The following TASOR variants were observed in gnomAD, a reference collection of about 807,000 sequenced individuals.
The protein encoded by TASOR is transcription activation suppressor, also known as protein TASOR.
TASOR carries 53 observed loss-of-function variants against 178.6 expected under a neutral mutation model. The observed-to-expected ratio is 0.30, with a 90% CI of 0.24 to 0.37. The LOEUF (loss-of-function observed/expected upper bound fraction) is 0.37, where lower values mean the gene tolerates loss of function less well. Among genes scored for constraint, TASOR ranks in the 10% least tolerant of loss-of-function variants. TASOR has a pLI of 1.00. For synonymous variants in TASOR, 713 were observed against 696.2 expected, an observed-to-expected ratio of 1.02 and a Z score of -0.38; for missense variants, 1,815 against 1,971.4, an observed-to-expected ratio of 0.92 and a Z score of 1.50.
At chr3:56,635,473 A>G (rs545763333) in intron 17 of TASOR, among the ~76,000 whole-genome samples, 1 of 139,024 alleles carries the variant, frequency 7.2e-6, no homozygotes, top group East Asian at 2.4e-4. Flanking sequence ...ACCATGGCTA[A>G]TATATGGGGA....
chr3:56,646,885 T>G lies in TASOR; in HGVS notation c.1852A>C (p.Lys618Gln). Residue 618 changes from lysine to glutamine, a missense_variant, in exon 14 of 24, where the codon AAA becomes CAA. Lys to Gln is a moderately conservative substitution (Grantham distance 53). This residue lies in a region of TASOR where 504 missense variants were observed against 645.3 expected (regional missense o/e 0.78). Coordinates refer to ENST00000683822, the MANE Select transcript of TASOR (RefSeq NM_001365635.2). The stretch of plus-strand genomic sequence containing the variant: ...TTTTCTTCAAATAGTTCTTTTAATT[T>G]ACAAATAGGTAACTGATACACTTCA... The part of the protein sequence containing the change: ...RPEVYQLPIC[K>Q]LKELFEENRK... The G allele has an allele frequency of 6.2e-7, 1 of 1,606,744 alleles. No individual in the cohort carries two copies.
At chr3:56,679,850 A>C (rs1174942123) in intron 1 of TASOR, among the ~76,000 whole-genome samples, 1 of 152,218 alleles carries the variant, frequency 6.6e-6, no homozygotes, top group African/African-American at 2.4e-5. Flanking sequence ...TAAATTCTAT[A>C]ATTTGGTTAA....
chr3:56,660,671 A>T, intron 11 of TASOR, 60 bp downstream of exon 11: 1 of 1,281,874 alleles, frequency 7.8e-7, no homozygotes. Context: ...TAATATGATC[A>T]CACATGAATA....
Position 56,682,580 on chromosome 3 carries a change from G to C in TASOR, c.331+96C>G, listed in dbSNP as rs141152503. ...CGGCCGGCGCTGCATGCGTGTTTAC[G>C]TATCTCGGATGGGTGTGGGAAGAGG... On this transcript the variant is annotated intron_variant, in intron 1 of 23. Transcript: ENST00000683822. The C allele has an allele frequency of 5.0e-4, 563 of 1,120,790 alleles. 4 individuals are homozygous for C. In the Middle Eastern group the frequency reaches 7.6e-3, roughly 15 times the overall value. The allele number at this position is 1,120,790 out of a possible 1,614,324, so 69.4% of individuals were successfully genotyped here.
At chr3:56,681,571 G>A (rs2031784462) in intron 1 of TASOR, among the ~76,000 whole-genome samples, 2 of 152,130 alleles carry the variant, frequency 1.3e-5, no homozygotes, top group African/African-American at 4.8e-5. Flanking sequence ...CTTATGGAAA[G>A]TCAGTATAAT....
chr3:56,682,505 C>T (rs986745022), intron 1 of TASOR, among the ~76,000 whole-genome samples, 171 bp downstream of exon 1: 1 of 151,458 alleles, frequency 6.6e-6, no homozygotes, highest in Non-Finnish European at 1.5e-5. Flanking sequence ...CCACCGCTTT[C>T]TCTCGCACCA....
At chr3:56,626,954 A>G in intron 21 of TASOR, 83 bp downstream of exon 21, 1 of 838,510 alleles carries the variant, frequency 1.2e-6, no homozygotes, top group Non-Finnish European at 1.9e-6. Flanking sequence ...AACATCCATA[A>G]TCTACAAACA....
intron 11 of TASOR, among the ~76,000 whole-genome samples, chr3:56,658,946 CTGTGTGTGTGTGTGTG>C (rs58622702): frequency 8.1e-5 from 12 of 147,444 alleles, no homozygotes; most frequent in South Asian, 2.1e-4. Context: ...GAGAGAGAGA[CTGTGTGTGTGTGTGTG>C]TGTGTGTGTG....
At position 56,639,665 on chromosome 3, in the gene TASOR, G is replaced by A. The variant is rs1014893634; in HGVS notation, c.2764+321C>T. Reference sequence around the variant, plus strand: ...GTCCAAAGAGCACCATTTTATCTCTGCAGCTACCTCACCTTATCAAAAACT... The same window carrying A: ...GTCCAAAGAGCACCATTTTATCTCTACAGCTACCTCACCTTATCAAAAACT... On this transcript the variant is annotated intron_variant, in intron 16 of 23. Coordinates refer to ENST00000683822, the MANE Select transcript of TASOR (RefSeq NM_001365635.2). Among the ~76,000 whole-genome samples, 4 of 152,174 alleles carry A rather than the reference G, an allele frequency of 2.6e-5. No homozygotes were observed. The East Asian group carries it at 7.7e-4, about 29-fold the overall frequency.
Position 56,640,042 on chromosome 3 carries a change from G to C in TASOR, c.2708C>G (p.Ser903Cys). 1 of 1,612,996 alleles carries C rather than the reference G, an allele frequency of 6.2e-7. No individual in the cohort carries two copies. The change falls in exon 16 of 24, where the codon TCT (serine) becomes TGT (cysteine). Residue 903 changes from serine to cysteine, a missense_variant. Around this residue, in one of 5 missense-constraint regions of TASOR, gnomAD observed 655 missense variants for 671.1 expected, o/e 0.98. Transcript: ENST00000683822. ...AGTCTCTTCAACATTATTTGACTTA[G>C]ACTGTTGTCTACGAAATCCATGTTC... ...PIEHGFRRQQ[S>C]KSNNVEETEI...
rs2077581942 is a variant in TASOR at position 56,661,005 on chromosome 3, T to C, written c.1173A>G (p.Leu391=). The C allele has an allele frequency of 1.3e-6, 2 of 1,599,748 alleles. No individual in the cohort carries two copies. The highest frequency in any genetic ancestry group is 1.7e-4 in the Middle Eastern group (1 of 5,858). The change falls in exon 10 of 24, where the codon TTA becomes TTG. Residue 391 remains leucine, a synonymous_variant. Coordinates refer to ENST00000683822, the MANE Select transcript of TASOR (RefSeq NM_001365635.2). ...AFLPIKLPEK[L]DVETVMSIDH... is the part of the protein sequence containing the mutation. ...CAATACTCATAACTGTTTCAACATC[T>C]AATTTCTCAGGTCTGAAAGAAAATT...
chr3:56,655,924 T>C (rs1183620689), intron 11 of TASOR, among the ~76,000 whole-genome samples: 6 of 152,216 alleles, frequency 3.9e-5, no homozygotes, highest in African/African-American at 1.4e-4. Context: ...GAAATGCCTA[T>C]GTGATGAGAT....
intron 1 of TASOR, 65 bp from the exon 2 acceptor site, chr3:56,673,790 A>G: frequency 2.2e-6 from 3 of 1,370,276 alleles, no homozygotes; most frequent in Admixed American, 2.8e-5. Context: ...AGCTTTTTAT[A>G]TTTTTGTGGG....
At chr3:56,663,956 C>T in intron 7 of TASOR, 1 of 699,038 alleles carries the variant, frequency 1.4e-6, no homozygotes, top group Non-Finnish European at 1.8e-6. Flanking sequence ...ATTTACCAGG[C>T]ACAGTTCTAG....
chr3:56,652,556 T>A lies in TASOR; in HGVS notation c.1369-3499A>T, dbSNP rs1157800208. Among the ~76,000 whole-genome samples, 33 of 141,876 alleles carry A rather than the reference T, an allele frequency of 2.3e-4. 1 individual carries two copies. Among genetic ancestry groups the A allele is most frequent in the South Asian group, 2.2e-4 (1 of 4,484 alleles). 93.1% of individuals were successfully genotyped at this position (141,876 alleles called of 152,430 possible). ...ATGACAAAGCAAGACCCTGCCTATTTAAAAAAAAAAAAAAAATGGCTAAAA... is the reference window on the plus strand; with the variant it reads ...ATGACAAAGCAAGACCCTGCCTATTAAAAAAAAAAAAAAAAATGGCTAAAA... On this transcript the variant is annotated intron_variant, in intron 11 of 23. Coordinates refer to ENST00000683822, the MANE Select transcript of TASOR (RefSeq NM_001365635.2).
rs2076716186 is a variant in TASOR at position 56,622,783 on chromosome 3, A to T, written c.*254T>A. 3.9e-6 allele frequency: 1 copy of T among 256,648 alleles called. No homozygotes were observed. The allele number at this position is 256,648 out of a possible 1,614,324, so 15.9% of individuals were successfully genotyped here. On this transcript the variant is annotated 3_prime_UTR_variant, in exon 24 of 24. Transcript: ENST00000683822. Reference sequence around the variant, plus strand: ...GATTTTACACATAAAACAGGCTTCAATTTGAAGCCTAAGTACAGGTAACAT... The same window carrying T: ...GATTTTACACATAAAACAGGCTTCATTTTGAAGCCTAAGTACAGGTAACAT...
At chr3:56,659,582 G>A (rs1458701726) in intron 11 of TASOR, among the ~76,000 whole-genome samples, 1 of 151,880 alleles carries the variant, frequency 6.6e-6, no homozygotes, top group African/African-American at 2.4e-5. Context: ...CATCCCACCC[G>A]CCATCACCCT....
intron 18 of TASOR, chr3:56,628,842 C>A: frequency 3.4e-6 from 1 of 291,448 alleles, no homozygotes; most frequent in Non-Finnish European, 6.3e-6. Context: ...CTCACTGCAG[C>A]CTTGACCTCC....
At position 56,646,923 on chromosome 3, in the gene TASOR, T is replaced by G; in HGVS notation, c.1814A>C (p.Tyr605Ser). The G allele has an allele frequency of 6.2e-7, 1 of 1,612,010 alleles. No homozygotes were observed. The highest frequency in any genetic ancestry group is 1.3e-5 in the African/African-American group (1 of 74,928). The change falls in exon 14 of 24, where the codon TAT (tyrosine) becomes TCT (serine). Residue 605 changes from tyrosine (Y) to serine (S), a missense_variant. Coordinates refer to ENST00000683822, the MANE Select transcript of TASOR (RefSeq NM_001365635.2). ...KSHIDTCLHA[Y>S]IFRPEVYQLP... ...CTGATACACTTCAGGCCGAAAAATA[T>G]AGGCATGCAAACAAGTATCAATATG... is the stretch of plus-strand genomic sequence containing the variant.
Sources: allele counts gnomAD v4.1 joint callset (sites outside exome capture counted in the v4.1 genomes callset), GRCh38; gene constraint gnomAD v4.1.1; regional missense constraint gnomAD v4.1.1; transcripts MANE v1.5; gene names NCBI Gene and HGNC (gene_info 2026-07-23, HGNC 2026-07-21).